MTBP: variants seen among roughly 807,000 people sequenced by gnomAD.
MTBP encodes MDM2 binding protein.
In MTBP, 101 loss-of-function variants were observed where a neutral mutation model predicts 117.0. That is an observed-to-expected ratio of 0.86 (90% CI 0.73 to 1.02). The LOEUF is 1.02. MTBP is among the 50% of genes least tolerant of loss of function. The pLI, the probability that MTBP is intolerant of heterozygous loss-of-function variation, is 0.00. For missense variants in MTBP, 970 were observed against 1,030.9 expected (o/e 0.94, Z 0.81); for synonymous variants, 350 against 351.5 (o/e 1.00, Z 0.05).
At chr8:120,488,469 A>G (rs1369066798) in intron 12 of MTBP, 137 bp downstream of exon 12, 10 of 644,202 alleles carry the variant, frequency 1.6e-5, no homozygotes, top group Admixed American at 4.3e-5. Context: ...TCATTAATTT[A>G]CCTTTTATTT....
chr8:120,453,179 A>G (rs997876151), intron 4 of MTBP, among the ~76,000 whole-genome samples: 6 of 152,128 alleles, frequency 3.9e-5, no homozygotes, highest in Admixed American at 2.0e-4. Flanking sequence ...GGCTGGGTGC[A>G]GTGGCTCATG....
chr8:120,461,116 T>C, intron 8 of MTBP, 45 bp from the exon 9 acceptor site: 1 of 1,367,486 alleles, frequency 7.3e-7, no homozygotes, highest in South Asian at 1.2e-5. Context: ...TGTTTACTTT[T>C]GTTTATGGTA....
At position 120,466,860 on chromosome 8, in the gene MTBP, C is replaced by T. The variant is rs377151644; in HGVS notation, c.1047+3099C>T. Among the ~76,000 whole-genome samples, 177 of 152,134 alleles carry T rather than the reference C, an allele frequency of 1.2e-3. 3 individuals are homozygous for T. The South Asian group carries it at 0.025, about 21-fold the overall frequency. ...CTGTACTCGAGCCTGGGCAACAGAGCGAGACTCCGTCTCAAAAAATAAATA... is the reference window on the plus strand; with the variant it reads ...CTGTACTCGAGCCTGGGCAACAGAGTGAGACTCCGTCTCAAAAAATAAATA... On this transcript the variant is annotated intron_variant, in intron 10 of 21. Transcript: ENST00000305949.
intron 12 of MTBP, 121 bp from the exon 13 acceptor site, chr8:120,490,342 G>T: frequency 1.6e-6 from 1 of 632,842 alleles, no homozygotes; most frequent in Non-Finnish European, 2.7e-6. Flanking sequence ...GTCGAGAGAG[G>T]TGAGTGATTG....
At chr8:120,482,935 G>A (rs1328296456) in intron 11 of MTBP, among the ~76,000 whole-genome samples, 9 of 151,502 alleles carry the variant, frequency 5.9e-5, no homozygotes, top group Non-Finnish European at 1.0e-4. Context: ...TCCTGACCTC[G>A]TGATCCATCC....
rs1437462038 is a variant in MTBP at position 120,523,536 on chromosome 8, C to T, written c.*200C>T. 3.3e-6 allele frequency: 1 copy of T among 302,344 alleles called. No homozygotes were observed. The highest frequency in any genetic ancestry group is 2.2e-5 in the African/African-American group (1 of 46,140). 18.7% of individuals were successfully genotyped at this position (302,344 alleles called of 1,614,324 possible). ...ATGTTAATGTATTTTTAATTAGATA[C>T]ATATTTTGTAAAGTGTTACTATATT... On this transcript the variant is annotated 3_prime_UTR_variant, in exon 22 of 22. Transcript: ENST00000305949.
At chr8:120,446,605 C>G (rs1563780753) in intron 2 of MTBP, 92 bp downstream of exon 2, 1 of 803,642 alleles carries the variant, frequency 1.2e-6, no homozygotes, top group East Asian at 2.4e-5. Flanking sequence ...CAAGGAAATA[C>G]TTCTTGACTG....
intron 11 of MTBP, among the ~76,000 whole-genome samples, chr8:120,486,174 G>C (rs1814208974): frequency 1.3e-5 from 2 of 151,924 alleles, no homozygotes; most frequent in African/African-American, 2.4e-5. Context: ...TAGATCTTTT[G>C]CTTGTTTCTC....
At chr8:120,464,892 A>T (rs1426795400) in intron 10 of MTBP, among the ~76,000 whole-genome samples, 1 of 152,112 alleles carries the variant, frequency 6.6e-6, no homozygotes, top group Non-Finnish European at 1.5e-5. Flanking sequence ...TGAAGTGTAC[A>T]GAAGAAGCTT....
chr8:120,468,107 A>T (rs1813737199), intron 10 of MTBP, among the ~76,000 whole-genome samples: 2 of 152,168 alleles, frequency 1.3e-5, no homozygotes, highest in African/African-American at 4.8e-5. Flanking sequence ...TGTCGAGAAA[A>T]TTAGATATAT....
At chr8:120,501,138 CCG>C in intron 14 of MTBP, among the ~76,000 whole-genome samples, 1 of 143,346 alleles carries the variant, frequency 7.0e-6, no homozygotes, top group Non-Finnish European at 1.5e-5. Context: ...TTGCAGTGAG[CCG>C]AGATTGCGCC....
chr8:120,506,936 A>C, intron 16 of MTBP, 75 bp downstream of exon 16: 2 of 1,288,996 alleles, frequency 1.6e-6, no homozygotes, highest in Non-Finnish European at 2.1e-6. Context: ...TCATTTCCTT[A>C]TTAATTGATG....
At chr8:120,457,291 T>G (rs1281691078) in intron 7 of MTBP, among the ~76,000 whole-genome samples, 5 of 152,164 alleles carry the variant, frequency 3.3e-5, no homozygotes, top group African/African-American at 4.8e-5. Context: ...TTTGTGGGTT[T>G]TGTAAGTTAT....
At chr8:120,482,433 C>T (rs1212246933) in intron 11 of MTBP, among the ~76,000 whole-genome samples, 1 of 152,028 alleles carries the variant, frequency 6.6e-6, no homozygotes, top group Non-Finnish European at 1.5e-5. Flanking sequence ...TTCTATGCTT[C>T]TGTGTCTGTT....
Position 120,459,208 on chromosome 8 carries a change from T to C in MTBP, c.748-7T>C, listed in dbSNP as rs1376410965. ...CTTGTAACTGTGTTTTCTTGGTCTC[T>C]TTTCAGTTTGGATTTGAAATTAGTT... On this transcript the variant is annotated splice_polypyrimidine_tract_variant and splice_region_variant and intron_variant, in intron 7 of 21. Coordinates refer to ENST00000305949, the MANE Select transcript of MTBP (RefSeq NM_022045.5). 1 of 1,604,744 alleles carries C rather than the reference T, an allele frequency of 6.2e-7. No individual in the cohort carries two copies. Among genetic ancestry groups the C allele is most frequent in the East Asian group, 2.2e-5 (1 of 44,570 alleles).
chr8:120,507,443 A>T (rs554492925), intron 16 of MTBP, among the ~76,000 whole-genome samples: 1 of 152,254 alleles, frequency 6.6e-6, no homozygotes, highest in South Asian at 2.1e-4. Context: ...ACTTTGACAA[A>T]ATTGACTGTA....
intron 15 of MTBP, among the ~76,000 whole-genome samples, chr8:120,505,985 A>G (rs1814678016): frequency 6.6e-6 from 1 of 152,082 alleles, no homozygotes; most frequent in Non-Finnish European, 1.5e-5. Context: ...CGGAATAATG[A>G]TTGCTTTTTA....
At chr8:120,521,460 T>C (rs1815006186) in intron 20 of MTBP, among the ~76,000 whole-genome samples, 1 of 152,190 alleles carries the variant, frequency 6.6e-6, no homozygotes, top group Non-Finnish European at 1.5e-5. Context: ...GTACGAGACC[T>C]GAATCCATCC....
intron 13 of MTBP, among the ~76,000 whole-genome samples, chr8:120,493,702 G>C (rs1246535920): frequency 1.3e-5 from 2 of 152,136 alleles, no homozygotes; most frequent in Admixed American, 1.3e-4. Context: ...TGTTGGCCAG[G>C]CTGGTCTCGA....
Sources: allele counts gnomAD v4.1 joint callset (sites outside exome capture counted in the v4.1 genomes callset), GRCh38; gene constraint gnomAD v4.1.1; transcripts MANE v1.5; gene names NCBI Gene and HGNC (gene_info 2026-07-23, HGNC 2026-07-21).